PACRGL: variants seen among roughly 807,000 people sequenced by gnomAD.
The protein encoded by PACRGL is parkin coregulated like.
In PACRGL, 38 loss-of-function variants were observed where a neutral mutation model predicts 34.5. The observed-to-expected ratio is 1.10, with a 90% confidence interval of 0.85 to 1.44. The LOEUF is 1.44. Ranked by LOEUF, PACRGL falls within the 40% of genes most tolerant of loss-of-function variation. The pLI, the probability that PACRGL is intolerant of heterozygous loss-of-function variation, is 0.00. For synonymous variants in PACRGL, 128 were observed against 100.1 expected (o/e 1.28, Z -1.66); for missense variants, 305 against 281.4 (o/e 1.08, Z -0.60).
intron 7 of PACRGL, among the ~76,000 whole-genome samples, chr4:20,722,130 C>T (rs1262335377): frequency 3.9e-5 from 6 of 152,246 alleles, no homozygotes; most frequent in Non-Finnish European, 7.3e-5. Context: ...GAGCCAGGCA[C>T]AGGATATAAT....
chr4:20,711,854 C>A (rs1329285155), intron 5 of PACRGL, among the ~76,000 whole-genome samples: 2 of 152,030 alleles, frequency 1.3e-5, no homozygotes, highest in Non-Finnish European at 2.9e-5. Context: ...TTCAGTATTA[C>A]AAATGACATT....
chr4:20,705,109 A>G (rs1447338210), intron 3 of PACRGL, among the ~76,000 whole-genome samples: 1 of 152,184 alleles, frequency 6.6e-6, no homozygotes, highest in East Asian at 1.9e-4. Flanking sequence ...CCCCATATCA[A>G]TGAATAAACT....
In PACRGL at chr4:20,713,610, AAC is replaced by A. The variant is rs1738372563; in HGVS notation, c.609+73_609+74del. 5 of 1,297,468 alleles carry A rather than the reference AAC, an allele frequency of 3.9e-6. No homozygotes were observed. In the South Asian group the frequency reaches 6.3e-5, roughly 16 times the overall value. The allele number at this position is 1,297,468 out of a possible 1,614,324, so 80.4% of individuals were successfully genotyped here. A position where few individuals can be genotyped will look rare whatever the true frequency, so the allele number is the denominator to read the frequency against. On this transcript the variant is annotated intron_variant, in intron 7 of 8. Transcript: ENST00000503585. ...CACCATCCATATCTCTTCATGATTT[AAC>A]AATTTCAAATCTTCAACTCAAAACC...
At chr4:20,748,383 C>G (rs1245529881) in intron 8 of PACRGL, among the ~76,000 whole-genome samples, 1 of 151,888 alleles carries the variant, frequency 6.6e-6, no homozygotes, top group South Asian at 2.1e-4. Context: ...GTCCTTTAGA[C>G]AGTCCATCAG....
In PACRGL at chr4:20,727,542, AAG is replaced by A. The variant is rs966622492; in HGVS notation, c.*204_*205del. On this transcript the variant is annotated 3_prime_UTR_variant, in exon 9 of 9. Coordinates refer to ENST00000503585, the MANE Select transcript of PACRGL (RefSeq NM_001258345.3). ...GGAAAGTTATTAAAATAAGTTCTAT[AAG>A]AGTACAATTTTGAGGTTTATTTTTT... 2.9e-5 allele frequency: 14 copies of A among 475,918 alleles called. No individual in the cohort carries two copies. Among genetic ancestry groups the A allele is most frequent in the African/African-American group, 2.5e-4 (13 of 51,962 alleles). 29.5% of individuals were successfully genotyped at this position (475,918 alleles called of 1,614,324 possible). A position where few individuals can be genotyped will look rare whatever the true frequency, so the allele number is the denominator to read the frequency against.
At chr4:20,700,423 G>A (rs1388431238), upstream of PACRGL, 1 of 152,160 alleles carries the variant, frequency 6.6e-6, no homozygotes, top group Admixed American at 6.5e-5. Flanking sequence ...ATTGCGCGGC[G>A]CGACCAGGTT....
intron 8 of PACRGL, among the ~76,000 whole-genome samples, chr4:20,742,666 G>A (rs1751416258): frequency 6.6e-6 from 1 of 152,178 alleles, no homozygotes; most frequent in African/African-American, 2.4e-5. Context: ...AGACAGGGAT[G>A]CCCTCTCTCA....
At chr4:20,716,631 G>T (rs1000231471) in intron 7 of PACRGL, among the ~76,000 whole-genome samples, 1 of 152,152 alleles carries the variant, frequency 6.6e-6, no homozygotes, top group South Asian at 2.1e-4. Flanking sequence ...ATGGTTTCCA[G>T]CTTCATCCGT....
intron 7 of PACRGL, among the ~76,000 whole-genome samples, chr4:20,723,130 GAC>G (rs946972809): frequency 1.3e-5 from 2 of 152,166 alleles, no homozygotes; most frequent in African/African-American, 4.8e-5. Context: ...GTGAGGAGAA[GAC>G]ATAGTGAGAA....
chr4:20,747,448 A>G (rs1248934337), intron 8 of PACRGL, among the ~76,000 whole-genome samples: 2 of 152,302 alleles, frequency 1.3e-5, no homozygotes, highest in East Asian at 3.9e-4. Flanking sequence ...CAAACACAAC[A>G]TTATCATGAA....
At position 20,730,477 on chromosome 4, in the gene PACRGL, C is replaced by G. The variant is rs941126091; in HGVS notation, c.*3136C>G. Among the ~76,000 whole-genome samples, 1 of 151,838 alleles carries G rather than the reference C, an allele frequency of 6.6e-6. No individual in the cohort carries two copies. Among genetic ancestry groups the G allele is most frequent in the East Asian group, 1.9e-4 (1 of 5,188 alleles). On this transcript the variant is annotated 3_prime_UTR_variant, in exon 9 of 9. Transcript: ENST00000503585. ...CAAAGCAAATGAGAATTTTGGCATTCTATGTAGATCACAGGCCAAATCACA... is the reference window on the plus strand; with the variant it reads ...CAAAGCAAATGAGAATTTTGGCATTGTATGTAGATCACAGGCCAAATCACA...
intron 3 of PACRGL, 123 bp from the exon 4 acceptor site, chr4:20,707,680 A>C (rs73805127): frequency 0.038 from 27,949 of 733,160 alleles, 701 homozygotes; most frequent in South Asian, 0.066. Context: ...GTTTTTCTCA[A>C]CTGTGTTGCT....
chr4:20,757,536 C>G (rs959381222), downstream of PACRGL, among the ~76,000 whole-genome samples: 22 of 152,310 alleles, frequency 1.4e-4, no homozygotes, highest in African/African-American at 4.8e-4. Context: ...ACTCTCTACC[C>G]TAGCCACACC....
At chr4:20,709,091 A>G (rs1735903711) in intron 4 of PACRGL, among the ~76,000 whole-genome samples, 1 of 152,194 alleles carries the variant, frequency 6.6e-6, no homozygotes, top group Non-Finnish European at 1.5e-5. Flanking sequence ...GTGAGCCAAG[A>G]TCGCGCCATT....
At chr4:20,743,430 C>G (rs925089876) in intron 8 of PACRGL, among the ~76,000 whole-genome samples, 8 of 152,060 alleles carry the variant, frequency 5.3e-5, no homozygotes, top group African/African-American at 1.9e-4. Context: ...AGATATAGAC[C>G]AATGGAACAG....
chr4:20,754,834 G>C (rs570657804), downstream of PACRGL, among the ~76,000 whole-genome samples: 1 of 152,244 alleles, frequency 6.6e-6, no homozygotes, highest in Admixed American at 6.5e-5. Context: ...CTCTATCCAA[G>C]TTTTAGTATG....
downstream of PACRGL, among the ~76,000 whole-genome samples, chr4:20,755,461 T>C (rs1201352408): frequency 6.6e-6 from 1 of 152,198 alleles, no homozygotes; most frequent in Non-Finnish European, 1.5e-5. Context: ...CATTCATTCA[T>C]TCATGCAAAA....
At chr4:20,736,395 TA>T (rs376385799), downstream of PACRGL, among the ~76,000 whole-genome samples, 5 of 152,326 alleles carry the variant, frequency 3.3e-5, no homozygotes, top group Non-Finnish European at 5.9e-5. Context: ...GTAAATGAGA[TA>T]TTTTTTTCTA....
Position 20,730,481 on chromosome 4 carries a change from G to A in PACRGL, c.*3140G>A, listed in dbSNP as rs945746072. Among the ~76,000 whole-genome samples, 3 of 151,860 alleles carry A rather than the reference G, an allele frequency of 2.0e-5. No homozygotes were observed. The highest frequency in any genetic ancestry group is 2.9e-5 in the Non-Finnish European group (2 of 68,024). On this transcript the variant is annotated 3_prime_UTR_variant, in exon 9 of 9. Transcript: ENST00000503585. ...GCAAATGAGAATTTTGGCATTCTAT[G>A]TAGATCACAGGCCAAATCACACAGA...
Sources: gnomAD v4.1 joint callset for allele counts (sites outside exome capture counted in the v4.1 genomes callset) on GRCh38, gnomAD v4.1.1 for gene constraint, MANE v1.5 for transcripts, NCBI Gene and HGNC (gene_info 2026-07-23, HGNC 2026-07-21) for gene names.